Variants in NR1H4 observed in about 807,000 individuals in gnomAD.
The protein encoded by NR1H4 is bile acid receptor.
NR1H4 carries 23 observed loss-of-function variants against 58.5 expected under a neutral mutation model. The observed-to-expected ratio is 0.39, with a 90% CI of 0.28 to 0.56. NR1H4 has a LOEUF of 0.56. Ranked by LOEUF, NR1H4 falls within the 20% of genes least tolerant of loss-of-function variation. The probability of loss-of-function intolerance (pLI) is 0.58; values close to 1 mark genes in which losing one functional copy is unlikely to be tolerated. For synonymous variants in NR1H4, 214 were observed against 198.0 expected (o/e 1.08, Z -0.68); for missense variants, 487 against 576.9 (o/e 0.84, Z 1.60).
intron 4 of NR1H4, among the ~76,000 whole-genome samples, chr12:100,526,026 T>C (rs954388077): frequency 6.6e-6 from 1 of 152,266 alleles, no homozygotes; most frequent in African/African-American, 2.4e-5. Flanking sequence ...TTTTCTTGGT[T>C]AGCCTTGCTG....
At chr12:100,554,253 C>T (rs1955271678) in intron 9 of NR1H4, among the ~76,000 whole-genome samples, 1 of 152,120 alleles carries the variant, frequency 6.6e-6, no homozygotes, top group African/African-American at 2.4e-5. Context: ...AGAAAAGTTT[C>T]AAGTTACATG....
At chr12:100,556,260 G>A (rs185768025) in intron 9 of NR1H4, among the ~76,000 whole-genome samples, 1 of 152,158 alleles carries the variant, frequency 6.6e-6, no homozygotes, top group African/African-American at 2.4e-5. Context: ...CTGAGGTCGG[G>A]AGTTCGAGAC....
intron 3 of NR1H4, among the ~76,000 whole-genome samples, chr12:100,506,863 G>A (rs568750520): frequency 3.9e-5 from 6 of 152,190 alleles, no homozygotes; most frequent in Non-Finnish European, 7.4e-5. Flanking sequence ...TTTTACTGAT[G>A]TTCTACTGTT....
At chr12:100,510,604 A>ATT (rs1438496785) in intron 3 of NR1H4, among the ~76,000 whole-genome samples, 174 bp from the exon 4 acceptor site, 3 of 110,320 alleles carry the variant, frequency 2.7e-5, no homozygotes, top group Non-Finnish European at 3.4e-5. Context: ...TTGTCATTTA[A>ATT]TTTTATATAT....
intron 3 of NR1H4, among the ~76,000 whole-genome samples, chr12:100,500,288 T>G (rs1385038204): frequency 2.0e-5 from 3 of 152,126 alleles, no homozygotes; most frequent in Admixed American, 2.0e-4. Flanking sequence ...AAAAAAACAT[T>G]GCCAACATTT....
chr12:100,552,721 G>C (rs575385187), intron 9 of NR1H4, among the ~76,000 whole-genome samples: 1 of 152,080 alleles, frequency 6.6e-6, no homozygotes, highest in East Asian at 1.9e-4. Flanking sequence ...CCAGGAGTTC[G>C]AGACCGGCCT....
chr12:100,549,825 A>G (rs562198480), intron 9 of NR1H4, among the ~76,000 whole-genome samples: 35 of 152,168 alleles, frequency 2.3e-4, no homozygotes, highest in Non-Finnish European at 2.9e-4. Flanking sequence ...ATATTTATGA[A>G]TTTCCTTCTC....
At chr12:100,552,438 T>G (rs1318336629) in intron 9 of NR1H4, among the ~76,000 whole-genome samples, 2 of 152,160 alleles carry the variant, frequency 1.3e-5, no homozygotes, top group Non-Finnish European at 2.9e-5. Context: ...GAGGACATAG[T>G]CCAATCTCTT....
At chr12:100,524,736 C>G (rs1299789755) in intron 4 of NR1H4, among the ~76,000 whole-genome samples, 1 of 152,210 alleles carries the variant, frequency 6.6e-6, no homozygotes, top group Non-Finnish European at 1.5e-5. Context: ...GAGGCAACCC[C>G]TAAGAACCAC....
At chr12:100,490,331 C>T (rs1421873181) in intron 1 of NR1H4, among the ~76,000 whole-genome samples, 1 of 152,090 alleles carries the variant, frequency 6.6e-6, no homozygotes, top group East Asian at 1.9e-4. Flanking sequence ...GCTTGCTGAA[C>T]ATGGCTCAAG....
intron 9 of NR1H4, among the ~76,000 whole-genome samples, chr12:100,559,059 GA>G (rs1955400523): frequency 1.3e-5 from 2 of 152,204 alleles, no homozygotes; most frequent in Non-Finnish European, 2.9e-5. Flanking sequence ...ATAGGCAGGG[GA>G]CAGGTCCTAG....
intron 9 of NR1H4, among the ~76,000 whole-genome samples, chr12:100,559,409 C>T (rs1955409597): frequency 6.6e-6 from 1 of 152,188 alleles, no homozygotes; most frequent in Non-Finnish European, 1.5e-5. Flanking sequence ...ACCGGGGCTG[C>T]GTGCAGCGCT....
At chr12:100,532,126 C>T (rs1593103080) in intron 4 of NR1H4, among the ~76,000 whole-genome samples, 1 of 152,284 alleles carries the variant, frequency 6.6e-6, no homozygotes, top group East Asian at 1.9e-4. Flanking sequence ...AATTGTTTGC[C>T]TTTGTACCCT....
intron 1 of NR1H4, among the ~76,000 whole-genome samples, chr12:100,478,892 C>T (rs1393530248): frequency 1.3e-5 from 2 of 152,202 alleles, no homozygotes; most frequent in Admixed American, 6.5e-5. Flanking sequence ...TTTTCATACA[C>T]TTTGAATATT....
intron 9 of NR1H4, among the ~76,000 whole-genome samples, chr12:100,551,174 A>G (rs548844921): frequency 3.9e-5 from 6 of 152,250 alleles, no homozygotes; most frequent in Non-Finnish European, 7.3e-5. Context: ...GAGATAAAGT[A>G]TAAGCAGTTG....
chr12:100,484,843 CA>C (rs767600788), intron 1 of NR1H4, among the ~76,000 whole-genome samples: 3 of 152,146 alleles, frequency 2.0e-5, no homozygotes, highest in Non-Finnish European at 4.4e-5. Flanking sequence ...TTAGGTTCCC[CA>C]AACATTTTAT....
chr12:100,531,810 G>A (rs1954700674), intron 4 of NR1H4, among the ~76,000 whole-genome samples: 2 of 152,136 alleles, frequency 1.3e-5, no homozygotes, highest in Non-Finnish European at 2.9e-5. Flanking sequence ...CCTTCTCGGG[G>A]GAGATGGTTG....
intron 4 of NR1H4, among the ~76,000 whole-genome samples, chr12:100,514,200 G>T (rs1171317467): frequency 6.6e-6 from 1 of 152,170 alleles, no homozygotes. Context: ...TCAAAAAGAG[G>T]TTAGATAAAC....
intron 3 of NR1H4, chr12:100,505,649 C>T (rs10492317): frequency 0.056 from 38,943 of 699,896 alleles, 2,427 homozygotes; most frequent in East Asian, 0.21. Context: ...CATGGAGAAC[C>T]GTCACAAAGG....
Sources: allele counts gnomAD v4.1 joint callset (sites outside exome capture counted in the v4.1 genomes callset), GRCh38; gene constraint gnomAD v4.1.1; transcripts MANE v1.5; gene names NCBI Gene and HGNC (gene_info 2026-07-23, HGNC 2026-07-21).